The following CAMKMT variants were observed in gnomAD, a reference collection of about 807,000 sequenced individuals.
CAMKMT encodes CaM KMT.
In CAMKMT, 53 loss-of-function variants were observed where a neutral mutation model predicts 48.0. That is an observed-to-expected ratio of 1.10 (90% CI 0.89 to 1.39). The LOEUF is 1.39. Ranked by LOEUF, CAMKMT falls within the 40% of genes most tolerant of loss-of-function variation. CAMKMT has a pLI of 0.00. For missense variants in CAMKMT, 428 were observed against 402.7 expected (o/e 1.06, Z -0.54); for synonymous variants, 165 against 152.3 (o/e 1.08, Z -0.61).
chr2:44,683,551 T>C (rs758981287), intron 3 of CAMKMT, among the ~76,000 whole-genome samples: 1 of 152,086 alleles, frequency 6.6e-6, no homozygotes, highest in Non-Finnish European at 1.5e-5. Flanking sequence ...CAGGGCGCGG[T>C]GGCTCACGCC....
chr2:44,384,298 C>T (rs1217794096), intron 2 of CAMKMT, among the ~76,000 whole-genome samples: 1 of 151,886 alleles, frequency 6.6e-6, no homozygotes, highest in Admixed American at 6.6e-5. Flanking sequence ...CTATTCATGT[C>T]CTTAGTCCAC....
intron 1 of CAMKMT, among the ~76,000 whole-genome samples, chr2:44,372,043 G>C (rs1398908637): frequency 6.6e-6 from 1 of 152,096 alleles, no homozygotes; most frequent in Non-Finnish European, 1.5e-5. Flanking sequence ...GGTAAGCTTT[G>C]AAATTCAACT....
intron 3 of CAMKMT, among the ~76,000 whole-genome samples, chr2:44,567,240 T>A (rs545599761): frequency 5.3e-4 from 81 of 152,292 alleles, no homozygotes; most frequent in African/African-American, 1.9e-3. Flanking sequence ...GCTCAGATTG[T>A]CCTAATTAAC....
intron 3 of CAMKMT, among the ~76,000 whole-genome samples, chr2:44,673,441 AAGAGAG>A (rs1175250795): frequency 6.8e-6 from 1 of 147,068 alleles, no homozygotes; most frequent in Non-Finnish European, 1.5e-5. Context: ...AAAAAAAAAA[AAGAGAG>A]AGAGAAAGAG....
intron 3 of CAMKMT, among the ~76,000 whole-genome samples, chr2:44,468,931 C>CA (rs1241824258): frequency 1.3e-5 from 2 of 151,184 alleles, no homozygotes; most frequent in Non-Finnish European, 2.9e-5. Context: ...AAAACAACAA[C>CA]AAAAAAACAA....
chr2:44,494,812 C>T (rs1669680083), intron 3 of CAMKMT, among the ~76,000 whole-genome samples: 1 of 152,318 alleles, frequency 6.6e-6, no homozygotes, highest in African/African-American at 2.4e-5. Context: ...AGGAAGCTTT[C>T]TCTGACCTCT....
intron 2 of CAMKMT, among the ~76,000 whole-genome samples, chr2:44,373,841 C>T (rs548699224): frequency 2.0e-5 from 3 of 152,010 alleles, no homozygotes; most frequent in South Asian, 2.1e-4. Flanking sequence ...CTGAAAATGC[C>T]GGCTGGGCGC....
At chr2:44,444,945 C>T (rs1288722025) in intron 3 of CAMKMT, among the ~76,000 whole-genome samples, 1 of 152,022 alleles carries the variant, frequency 6.6e-6, no homozygotes, top group Admixed American at 6.6e-5. Context: ...CATTTTTGTC[C>T]CAAATTCAAT....
chr2:44,367,790 A>G (rs915646109), intron 1 of CAMKMT, among the ~76,000 whole-genome samples: 1 of 152,202 alleles, frequency 6.6e-6, no homozygotes, highest in African/African-American at 2.4e-5. Flanking sequence ...TCTTCTCTAG[A>G]AATGTATCTA....
intron 3 of CAMKMT, among the ~76,000 whole-genome samples, chr2:44,632,181 T>C (rs1269214139): frequency 6.6e-6 from 1 of 152,196 alleles, no homozygotes; most frequent in African/African-American, 2.4e-5. Context: ...TGAGTTTCTA[T>C]GTAGTATTAA....
At chr2:44,446,846 C>T (rs1418523553) in intron 3 of CAMKMT, among the ~76,000 whole-genome samples, 4 of 152,158 alleles carry the variant, frequency 2.6e-5, no homozygotes, top group African/African-American at 9.7e-5. Context: ...CTCATCATAC[C>T]CACAAGATTT....
chr2:44,549,428 C>T (rs1478287148), intron 3 of CAMKMT: 2 of 623,240 alleles, frequency 3.2e-6, no homozygotes, highest in Non-Finnish European at 5.6e-6. Context: ...AGAAGAACCT[C>T]TCTCACACAG....
chr2:44,495,994 C>G (rs1450001096), intron 3 of CAMKMT, among the ~76,000 whole-genome samples: 1 of 152,176 alleles, frequency 6.6e-6, no homozygotes, highest in Non-Finnish European at 1.5e-5. Context: ...GTGAATAATC[C>G]TTAAATACAG....
chr2:44,512,186 G>A (rs974952612), intron 3 of CAMKMT, among the ~76,000 whole-genome samples: 1 of 152,124 alleles, frequency 6.6e-6, no homozygotes, highest in Non-Finnish European at 1.5e-5. Context: ...GCTTGACCAT[G>A]TCTATGTAAT....
At chr2:44,747,781 G>C (rs1352340423) in intron 8 of CAMKMT, among the ~76,000 whole-genome samples, 1 of 152,204 alleles carries the variant, frequency 6.6e-6, no homozygotes, top group Non-Finnish European at 1.5e-5. Context: ...TGATGAAAAT[G>C]GTCTGGCACC....
chr2:44,517,428 G>A (rs918569960), intron 3 of CAMKMT, among the ~76,000 whole-genome samples: 4 of 152,170 alleles, frequency 2.6e-5, no homozygotes, highest in Non-Finnish European at 5.9e-5. Flanking sequence ...TAATTTTCAA[G>A]GGGTGTGCTG....
intron 3 of CAMKMT, among the ~76,000 whole-genome samples, chr2:44,458,527 A>G (rs1667691918): frequency 6.6e-6 from 1 of 152,184 alleles, no homozygotes; most frequent in Non-Finnish European, 1.5e-5. Flanking sequence ...CTGCCAGTAC[A>G]TTTAAGATGA....
intron 3 of CAMKMT, among the ~76,000 whole-genome samples, chr2:44,637,708 G>A (rs1377311324): frequency 6.6e-6 from 1 of 152,090 alleles, no homozygotes; most frequent in African/African-American, 2.4e-5. Flanking sequence ...CCTAAACCCA[G>A]TATGACAGTG....
At chr2:44,552,929 A>G (rs1667801508) in intron 3 of CAMKMT, among the ~76,000 whole-genome samples, 1 of 152,162 alleles carries the variant, frequency 6.6e-6, no homozygotes, top group South Asian at 2.1e-4. Context: ...AAAGAAAGAG[A>G]CAAATATTTT....
Sources: gnomAD v4.1 joint callset for allele counts (sites outside exome capture counted in the v4.1 genomes callset) on GRCh38, gnomAD v4.1.1 for gene constraint, MANE v1.5 for transcripts, NCBI Gene and HGNC (gene_info 2026-07-23, HGNC 2026-07-21) for gene names.